IRF2: variants seen among roughly 807,000 people sequenced by gnomAD.
IRF2 encodes the protein interferon regulatory factor 2.
In IRF2, 15 loss-of-function variants were observed where a neutral mutation model predicts 40.6. The ratio of observed to expected loss-of-function variants is 0.37; its 90% CI spans 0.25 to 0.57. The LOEUF (loss-of-function observed/expected upper bound fraction) is 0.57. Among genes scored for constraint, IRF2 ranks in the 20% least tolerant of loss-of-function variants. IRF2 has a pLI of 0.77. For synonymous variants in IRF2, 151 were observed against 165.5 expected (o/e 0.91, Z 0.67); for missense variants, 317 against 455.7 (o/e 0.70, Z 2.77).
Position 184,408,647 on chromosome 4 carries a change from A to G in IRF2, c.412-372T>C, listed in dbSNP as rs1368464065. Among the ~76,000 whole-genome samples the G allele has an allele frequency of 1.3e-5, 2 of 152,254 alleles. No homozygotes were observed. Among genetic ancestry groups the G allele is most frequent in the Non-Finnish European group, 2.9e-5 (2 of 68,046 alleles). ...CTCCTCTGAGGGGGTGCTCAAAAGAATCAATGCCTGGCTTTCACCAGGGAG... is the reference window on the plus strand; with the variant it reads ...CTCCTCTGAGGGGGTGCTCAAAAGAGTCAATGCCTGGCTTTCACCAGGGAG... On this transcript the variant is annotated intron_variant, in intron 5 of 8. Transcript: ENST00000393593. This position sits in a 1 kb window ranked among gnomAD's most constrained non-coding sequence, Gnocchi z 4.9.
intron 1 of IRF2, among the ~76,000 whole-genome samples, chr4:184,449,440 T>G (rs1345248973): frequency 6.6e-6 from 1 of 152,264 alleles, no homozygotes; most frequent in Non-Finnish European, 1.5e-5. Flanking sequence ...AAGTCAATTC[T>G]GTTTTGTTCA....
intron 1 of IRF2, among the ~76,000 whole-genome samples, chr4:184,436,473 T>G: frequency 6.6e-6 from 1 of 152,318 alleles, no homozygotes; most frequent in South Asian, 2.1e-4. Flanking sequence ...ATCCTATAAT[T>G]ATAATAATAA....
At chr4:184,434,953 G>A (rs1188987284) in intron 1 of IRF2, among the ~76,000 whole-genome samples, 1 of 152,202 alleles carries the variant, frequency 6.6e-6, no homozygotes, top group African/African-American at 2.4e-5. Context: ...GGAGGCTGAG[G>A]TGGGACAATC....
At chr4:184,404,738 A>G (rs1579808944) in intron 6 of IRF2, among the ~76,000 whole-genome samples, 2 of 152,140 alleles carry the variant, frequency 1.3e-5, no homozygotes, top group African/African-American at 4.8e-5. Context: ...ATGGTGGGAG[A>G]GAAGATCACC....
At position 184,408,969 on chromosome 4, in the gene IRF2, C is replaced by T. The variant is rs532402808; in HGVS notation, c.412-694G>A. ...TGAAATAATGAGAACAAATTCCTTT[C>T]CCTTATTGGAGCTCTAAATGTGTGC... On this transcript the variant is annotated intron_variant, in intron 5 of 8. Transcript: ENST00000393593. This position sits in a 1 kb window ranked among gnomAD's most constrained non-coding sequence, Gnocchi z 4.9. 6.6e-6 allele frequency among the ~76,000 whole-genome samples: 1 copy of T among 152,336 alleles called. No homozygotes were observed. The highest frequency in any genetic ancestry group is 2.1e-4 in the South Asian group (1 of 4,826).
rs746692200 is a variant in IRF2, at chr4:184,408,631, G to C, written c.412-356C>G. 1.1e-4 allele frequency among the ~76,000 whole-genome samples: 16 copies of C among 152,228 alleles called. No homozygotes were observed. Among genetic ancestry groups the C allele is most frequent in the Non-Finnish European group, 1.8e-4 (12 of 68,050 alleles). Reference sequence around the variant, plus strand: ...TGGATTCTACACTCTCCTCCTCTGAGGGGGTGCTCAAAAGAATCAATGCCT... The same window carrying C: ...TGGATTCTACACTCTCCTCCTCTGACGGGGTGCTCAAAAGAATCAATGCCT... On this transcript the variant is annotated intron_variant, in intron 5 of 8. Coordinates refer to ENST00000393593, the MANE Select transcript of IRF2 (RefSeq NM_002199.4). The surrounding 1 kb of genome is among the most constrained non-coding windows in gnomAD (Gnocchi z 4.9).
intron 4 of IRF2, 31 bp downstream of exon 4, chr4:184,418,501 T>G (rs201024517): frequency 6.2e-7 from 1 of 1,600,676 alleles, no homozygotes; most frequent in African/African-American, 1.3e-5. Context: ...ACAAATTGAT[T>G]TACCTTATTT....
chr4:184,424,587 C>G (rs1404344444), intron 2 of IRF2, among the ~76,000 whole-genome samples: 1 of 152,160 alleles, frequency 6.6e-6, no homozygotes, highest in African/African-American at 2.4e-5. Flanking sequence ...CGGGTGATAT[C>G]CTGCACTGCC....
At position 184,418,790 on chromosome 4, in the gene IRF2, G is replaced by A; in HGVS notation, c.188-82C>T. On this transcript the variant is annotated intron_variant, in intron 3 of 8. Transcript: ENST00000393593. ...GAATTTCTGGAAACACAGTATTGCT[G>A]GTCAGGCAGTATAAGGAAACCTTTT... 7 of 1,212,452 alleles carry A rather than the reference G, an allele frequency of 5.8e-6. No individual in the cohort carries two copies. The South Asian group carries it at 8.2e-5, about 14-fold the overall frequency. 75.1% of individuals were successfully genotyped at this position (1,212,452 alleles called of 1,614,324 possible). A position where few individuals can be genotyped will look rare whatever the true frequency, so the allele number is the denominator to read the frequency against.
chr4:184,459,978 G>A (rs35428837), intron 1 of IRF2, among the ~76,000 whole-genome samples: 16,359 of 152,234 alleles, frequency 0.11, 1,168 homozygotes, highest in Non-Finnish European at 0.15. Flanking sequence ...TAGGATTACC[G>A]TATGACCCAG....
chr4:184,460,266 CA>C (rs1739086325), intron 1 of IRF2, among the ~76,000 whole-genome samples: 1 of 152,204 alleles, frequency 6.6e-6, no homozygotes, highest in Admixed American at 6.5e-5. Context: ...TTACATGAGA[CA>C]TCTCGAGTGG....
At chr4:184,411,278 C>T (rs925059959) in intron 5 of IRF2, among the ~76,000 whole-genome samples, 5 of 152,022 alleles carry the variant, frequency 3.3e-5, no homozygotes, top group African/African-American at 1.2e-4. Context: ...AGGCTGGTCT[C>T]GAACCCCTGA....
intron 1 of IRF2, among the ~76,000 whole-genome samples, chr4:184,440,866 G>A (rs1738278935): frequency 6.6e-6 from 1 of 152,206 alleles, no homozygotes; most frequent in Admixed American, 6.5e-5. Context: ...TTTGAGGAGA[G>A]ATACTGAGAG....
chr4:184,389,407 G>C (rs1022319740), intron 8 of IRF2, among the ~76,000 whole-genome samples: 1 of 152,110 alleles, frequency 6.6e-6, no homozygotes, highest in East Asian at 1.9e-4. Context: ...AACAGAATGA[G>C]ACCTTGTCTC....
At chr4:184,405,972 A>G (rs1736838574) in intron 6 of IRF2, among the ~76,000 whole-genome samples, 1 of 119,486 alleles carries the variant, frequency 8.4e-6, no homozygotes, top group South Asian at 2.6e-4. Flanking sequence ...GGTCCAATAC[A>G]GCCAAGAATA....
At chr4:184,401,316 G>A (rs1001295973) in intron 6 of IRF2, among the ~76,000 whole-genome samples, 3 of 152,192 alleles carry the variant, frequency 2.0e-5, no homozygotes, top group African/African-American at 7.2e-5. Context: ...AGGTTTTAGA[G>A]GGCAGTGGCA....
At chr4:184,431,969 T>C in intron 1 of IRF2, 1 of 152,146 alleles carries the variant, frequency 6.6e-6, no homozygotes, top group Non-Finnish European at 1.5e-5. Flanking sequence ...CCCGTTCTTA[T>C]ATTAGTGATG....
chr4:184,390,108 C>G (rs1216962416), intron 8 of IRF2, among the ~76,000 whole-genome samples: 1 of 152,202 alleles, frequency 6.6e-6, no homozygotes, highest in Non-Finnish European at 1.5e-5. Flanking sequence ...CCCTCCCTCT[C>G]TCTCTCTCAT....
chr4:184,434,026 A>G (rs1737986330), intron 1 of IRF2, among the ~76,000 whole-genome samples: 1 of 152,256 alleles, frequency 6.6e-6, no homozygotes, highest in African/African-American at 2.4e-5. Flanking sequence ...ACAGAGGGTC[A>G]GAGGACTGAG....
Sources: gnomAD v4.1 joint callset for allele counts (sites outside exome capture counted in the v4.1 genomes callset) on GRCh38, gnomAD v4.1.1 for gene constraint, Gnocchi (gnomAD v3.1) non-coding constraint, MANE v1.5 for transcripts, NCBI Gene and HGNC (gene_info 2026-07-23, HGNC 2026-07-21) for gene names.